LANCL2: variants seen among roughly 807,000 people sequenced by gnomAD.
LANCL2 encodes lanC-like protein 2.
A neutral mutation model predicts 56.9 loss-of-function variants in LANCL2; 33 were observed. The observed-to-expected ratio is 0.58, with a 90% CI of 0.44 to 0.78. LANCL2 has a LOEUF of 0.78. Among genes scored for constraint, LANCL2 ranks in the 30% least tolerant of loss-of-function variants. The pLI, the probability that LANCL2 is intolerant of heterozygous loss-of-function variation, is 0.00. For synonymous variants in LANCL2, 233 were observed against 228.2 expected, an observed-to-expected ratio of 1.02 and a Z score of -0.19; for missense variants, 562 against 580.2, an observed-to-expected ratio of 0.97 and a Z score of 0.32.
intron 7 of LANCL2, 86 bp from the exon 8 acceptor site, chr7:55,428,289 A>G: frequency 8.4e-7 from 1 of 1,194,910 alleles, no homozygotes; most frequent in Non-Finnish European, 1.3e-6. Flanking sequence ...CACTTCCCTG[A>G]TGCCTGTGAA....
At chr7:55,411,798 A>G (rs993731199) in intron 5 of LANCL2, 109 bp from the exon 6 acceptor site, 1 of 1,057,802 alleles carries the variant, frequency 9.5e-7, no homozygotes, top group African/African-American at 1.6e-5. Flanking sequence ...TTCTAATTTT[A>G]TGTGCTTTTT....
chr7:55,412,780 C>G (rs1320283987), intron 6 of LANCL2, among the ~76,000 whole-genome samples: 1 of 152,096 alleles, frequency 6.6e-6, no homozygotes, highest in Non-Finnish European at 1.5e-5. Context: ...GAGATTGTTG[C>G]TCATACATCA....
intron 6 of LANCL2, among the ~76,000 whole-genome samples, chr7:55,413,094 CAG>C (rs1330653450): frequency 6.6e-6 from 1 of 152,212 alleles, no homozygotes; most frequent in Non-Finnish European, 1.5e-5. Context: ...GAAAACAACT[CAG>C]AAAGTTACGA....
intron 2 of LANCL2, among the ~76,000 whole-genome samples, chr7:55,393,582 GAGA>G (rs1372534489): frequency 3.9e-5 from 6 of 151,968 alleles, no homozygotes; most frequent in Admixed American, 3.9e-4. Context: ...AGCATAGACA[GAGA>G]TATACATGTT....
intron 8 of LANCL2, 91 bp downstream of exon 8, chr7:55,428,538 C>G: frequency 1.0e-6 from 1 of 977,830 alleles, no homozygotes. Flanking sequence ...TTTGACCTGG[C>G]TCAAGTAATA....
rs998717358 is a variant in LANCL2, at chr7:55,365,846, T to C, written c.-180T>C. The C allele has an allele frequency of 1.1e-5, 5 of 468,672 alleles. No homozygotes were observed. The highest frequency in any genetic ancestry group is 6.1e-5 in the African/African-American group (3 of 48,880). 29.0% of individuals were successfully genotyped at this position (468,672 alleles called of 1,614,324 possible). On this transcript the variant is annotated 5_prime_UTR_variant, in exon 1 of 9. Coordinates refer to ENST00000254770, the MANE Select transcript of LANCL2 (RefSeq NM_018697.4). ...CCACCGCCTCTGCGGCCGCCTGATG[T>C]GCGAGCAGCCCGCGACGAGGCAGTG...
At chr7:55,397,886 C>T (rs1024448516) in intron 2 of LANCL2, among the ~76,000 whole-genome samples, 9 of 151,344 alleles carry the variant, frequency 5.9e-5, no homozygotes, top group Admixed American at 2.6e-4. Context: ...CCAGAAATGG[C>T]GAGTTCACTC....
chr7:55,380,859 G>A (rs982745269), intron 1 of LANCL2, among the ~76,000 whole-genome samples: 20 of 147,958 alleles, frequency 1.4e-4, no homozygotes, highest in African/African-American at 4.9e-4. Context: ...ATCAGAGGAG[G>A]AGTGAATTTC....
At chr7:55,380,869 C>CTTT (rs66710499) in intron 1 of LANCL2, among the ~76,000 whole-genome samples, 7 of 118,598 alleles carry the variant, frequency 5.9e-5, no homozygotes, top group Admixed American at 3.6e-4. Context: ...GAGTGAATTT[C>CTTT]TTTTTTTTTT....
At chr7:55,420,051 C>G (rs1169014882) in intron 6 of LANCL2, among the ~76,000 whole-genome samples, 3 of 152,038 alleles carry the variant, frequency 2.0e-5, no homozygotes, top group Non-Finnish European at 4.4e-5. Flanking sequence ...GTGACAGAGT[C>G]AGACCCTGTC....
chr7:55,415,902 A>G (rs1485887614), intron 6 of LANCL2, among the ~76,000 whole-genome samples: 1 of 152,152 alleles, frequency 6.6e-6, no homozygotes, highest in Non-Finnish European at 1.5e-5. Context: ...GGCATGAGCC[A>G]CTGTGTCCGG....
intron 4 of LANCL2, 45 bp downstream of exon 4, chr7:55,400,149 C>A: frequency 4.2e-6 from 6 of 1,444,482 alleles, no homozygotes; most frequent in Non-Finnish European, 5.6e-6. Context: ...ACCATTCAAA[C>A]CTATTTGCTA....
chr7:55,382,193 A>G (rs1465312507), intron 1 of LANCL2, among the ~76,000 whole-genome samples: 1 of 152,244 alleles, frequency 6.6e-6, no homozygotes, highest in Admixed American at 6.5e-5. Context: ...TGAAACTAGT[A>G]TGCAAGGATT....
chr7:55,431,209 C>T lies in LANCL2; in HGVS notation c.1259-17C>T, dbSNP rs768989818. On this transcript the variant is annotated splice_polypyrimidine_tract_variant and intron_variant, in intron 8 of 8. Coordinates refer to ENST00000254770, the MANE Select transcript of LANCL2 (RefSeq NM_018697.4). Reference sequence around the variant, plus strand: ...CCCTTATGCCATTCCTAAGAGGCTCCTCATTTTACATTGCAGGCATGGCTG... The same window carrying T: ...CCCTTATGCCATTCCTAAGAGGCTCTTCATTTTACATTGCAGGCATGGCTG... The T allele has an allele frequency of 5.0e-6, 8 of 1,591,214 alleles. No homozygotes were observed. The Admixed American group carries it at 1.0e-4, about 21-fold the overall frequency.
chr7:55,370,849 G>A (rs1789936562), intron 1 of LANCL2, among the ~76,000 whole-genome samples: 1 of 152,154 alleles, frequency 6.6e-6, no homozygotes. Context: ...GACAGTGATT[G>A]GAGTTGATGC....
In LANCL2 at chr7:55,365,812, G is replaced by A. The variant is rs138187979; in HGVS notation, c.-214G>A. 247 of 441,032 alleles carry A rather than the reference G, an allele frequency of 5.6e-4. No individual in the cohort carries two copies. The highest frequency in any genetic ancestry group is 4.3e-3 in the African/African-American group (211 of 48,676). The allele number at this position is 441,032 out of a possible 1,614,324, so 27.3% of individuals were successfully genotyped here. A position where few individuals can be genotyped will look rare whatever the true frequency, so the allele number is the denominator to read the frequency against. On this transcript the variant is annotated 5_prime_UTR_variant, in exon 1 of 9. Coordinates refer to ENST00000254770, the MANE Select transcript of LANCL2 (RefSeq NM_018697.4). ...CAAAGGCGCCAGGAACAGGGCAGAG[G>A]CACAGCGCCCACCGCCTCTGCGGCC... is the stretch of plus-strand genomic sequence containing the variant.
rs1404897874 is a variant in LANCL2 at position 55,432,750 on chromosome 7, G to A, written c.*1430G>A. 2 of 152,386 alleles carry A rather than the reference G, an allele frequency of 1.3e-5. No homozygotes were observed. Among genetic ancestry groups the A allele is most frequent in the East Asian group, 1.9e-4 (1 of 5,192 alleles). 9.4% of individuals were successfully genotyped at this position (152,386 alleles called of 1,614,324 possible). ...TATGTGTGGGGCTGGCACCCGAAAT[G>A]TGTGACATTCAGCTTCTAAACGATG... On this transcript the variant is annotated 3_prime_UTR_variant, in exon 9 of 9. Transcript: ENST00000254770.
intron 3 of LANCL2, among the ~76,000 whole-genome samples, chr7:55,399,700 A>G (rs1437888649): frequency 6.6e-6 from 1 of 152,224 alleles, no homozygotes; most frequent in Non-Finnish European, 1.5e-5. Context: ...GGATTTCAAA[A>G]TAAAATTTTA....
intron 1 of LANCL2, among the ~76,000 whole-genome samples, chr7:55,369,849 G>GTC (rs769914146): frequency 1.2e-4 from 18 of 152,228 alleles, no homozygotes; most frequent in Admixed American, 3.9e-4. Context: ...AGAGAACTCT[G>GTC]AAGAGTGTAG....
Sources: gnomAD v4.1 joint callset for allele counts (sites outside exome capture counted in the v4.1 genomes callset) on GRCh38, gnomAD v4.1.1 for gene constraint, MANE v1.5 for transcripts, NCBI Gene and HGNC (gene_info 2026-07-23, HGNC 2026-07-21) for gene names.